Variants in CAPN3 observed in about 807,000 individuals in gnomAD.
The protein encoded by CAPN3 is calpain-3.
CAPN3 carries 88 observed loss-of-function variants against 114.0 expected under a neutral mutation model. The ratio of observed to expected loss-of-function variants is 0.77; its 90% CI spans 0.65 to 0.92. CAPN3 has a LOEUF of 0.92. CAPN3 is among the 40% of genes least tolerant of loss of function. CAPN3 has a pLI of 0.00. For missense variants in CAPN3, 1,028 were observed against 1,069.0 expected (o/e 0.96, Z 0.53); for synonymous variants, 386 against 382.9 (o/e 1.01, Z -0.09).
chr15:42,384,598 G>C (rs1338079197), intron 2 of CAPN3, 46 bp downstream of exon 2: 2 of 1,380,102 alleles, frequency 1.4e-6, no homozygotes, highest in Admixed American at 1.7e-5. Context: ...ATCAAGGGGT[G>C]ATTACAAGGT....
chr15:42,363,714 C>T (rs1011214247), intron 1 of CAPN3, among the ~76,000 whole-genome samples: 6 of 152,218 alleles, frequency 3.9e-5, no homozygotes, highest in African/African-American at 7.2e-5. Flanking sequence ...TGAGTGAGAA[C>T]TCACCACATG....
intron 6 of CAPN3, 104 bp downstream of exon 6, chr15:42,390,200 C>A: frequency 7.7e-7 from 1 of 1,291,230 alleles, no homozygotes; most frequent in Non-Finnish European, 1.1e-6. Context: ...TACCCACACA[C>A]CCCCACCTGG....
chr15:42,367,120 C>T (rs1043894955), intron 1 of CAPN3, among the ~76,000 whole-genome samples: 2 of 152,230 alleles, frequency 1.3e-5, no homozygotes, highest in African/African-American at 2.4e-5. Context: ...GCATGAGGCT[C>T]TGCACCCGGC....
At chr15:42,390,230 T>C in intron 6 of CAPN3, 134 bp downstream of exon 6, 1 of 961,988 alleles carries the variant, frequency 1.0e-6, no homozygotes, top group South Asian at 1.4e-5. Context: ...AGGGTCTGGG[T>C]TGAAATAACT....
chr15:42,410,298 G>A (rs2054170199), intron 19 of CAPN3, 130 bp from the exon 20 acceptor site: 1 of 881,304 alleles, frequency 1.1e-6, no homozygotes, highest in East Asian at 2.4e-5. Context: ...CTGACTGGTG[G>A]TGGAGTGGAG....
chr15:42,391,533 C>T (rs963376610), intron 6 of CAPN3, among the ~76,000 whole-genome samples: 9 of 152,182 alleles, frequency 5.9e-5, no homozygotes, highest in Non-Finnish European at 1.5e-5. Context: ...CCTGGCTCCA[C>T]CCATACCCCT....
At position 42,409,808 on chromosome 15, in the gene CAPN3, G is replaced by A. The variant is rs2054148805; in HGVS notation, c.2014G>A (p.Glu672Lys). The A allele has an allele frequency of 6.4e-7, 1 of 1,556,584 alleles. No homozygotes were observed. Among genetic ancestry groups the A allele is most frequent in the Non-Finnish European group, 8.7e-7 (1 of 1,146,554 alleles). ...TCAGGACATGGAGATCTGTGCAGATGAGCTCAAGAAGGTCCTTAACACAGT... is the reference window on the plus strand; with the variant it reads ...TCAGGACATGGAGATCTGTGCAGATAAGCTCAAGAAGGTCCTTAACACAGT... ...AGDDMEICAD[E>K]LKKVLNTVVN... The change falls in exon 18 of 24, where the codon GAG becomes AAG. Residue 672 changes from glutamate to lysine, a missense_variant. Transcript: ENST00000397163.
intron 1 of CAPN3, among the ~76,000 whole-genome samples, chr15:42,366,840 C>T (rs28557139): frequency 0.23 from 27,726 of 122,918 alleles, 3,868 homozygotes; most frequent in African/African-American, 0.46. Context: ...TTTTTTTTTT[C>T]TTTTTTTTTT....
chr15:42,362,095 C>T (rs890549748), intron 1 of CAPN3, among the ~76,000 whole-genome samples: 2 of 152,170 alleles, frequency 1.3e-5, no homozygotes, highest in African/African-American at 2.4e-5. Context: ...GATAGGCCTG[C>T]GTTCCCAGGC....
chr15:42,390,823 C>T (rs2053535963), intron 6 of CAPN3, among the ~76,000 whole-genome samples: 1 of 132,464 alleles, frequency 7.5e-6, no homozygotes. Flanking sequence ...CCAAGTCTTG[C>T]TCTATTCCCT....
At chr15:42,381,843 G>A (rs1381939906) in intron 1 of CAPN3, among the ~76,000 whole-genome samples, 1 of 152,058 alleles carries the variant, frequency 6.6e-6, no homozygotes, top group African/African-American at 2.4e-5. Flanking sequence ...CGGCCATCAT[G>A]TAATTTTAAA....
intron 1 of CAPN3, among the ~76,000 whole-genome samples, chr15:42,366,279 CTCTT>C (rs1172812337): frequency 2.6e-5 from 4 of 152,218 alleles, no homozygotes; most frequent in East Asian, 1.9e-4. Context: ...TTTTCCCAGG[CTCTT>C]TCTTTCTTCC....
chr15:42,376,017 A>T (rs1352295206), intron 1 of CAPN3, among the ~76,000 whole-genome samples: 2 of 152,180 alleles, frequency 1.3e-5, no homozygotes, highest in African/African-American at 2.4e-5. Context: ...TCTGTAACAT[A>T]ATGACCCTCA....
At chr15:42,394,397 G>A in intron 8 of CAPN3, 56 bp downstream of exon 8, 2 of 1,359,956 alleles carry the variant, frequency 1.5e-6, no homozygotes, top group Admixed American at 3.9e-5. Context: ...TCCGGGACAA[G>A]GCTGTGTTGG....
chr15:42,397,705 T>C (rs554234105), intron 9 of CAPN3, among the ~76,000 whole-genome samples: 13 of 152,214 alleles, frequency 8.5e-5, no homozygotes, highest in African/African-American at 2.9e-4. Context: ...TGTGTTTTTA[T>C]TACTTTATTT....
Position 42,402,859 on chromosome 15 carries a change from C to T in CAPN3, c.1602C>T (p.Ser534=), listed in dbSNP as rs2141202971. The T allele has an allele frequency of 2.5e-6, 4 of 1,614,206 alleles. No homozygotes were observed. Among genetic ancestry groups the T allele is most frequent in the Non-Finnish European group, 2.5e-6 (3 of 1,180,020 alleles). Residue 534 remains serine, a synonymous_variant, in exon 13 of 24, where the codon AGC becomes AGT. Transcript: ENST00000397163. ...FFLYNASKAR[S]KTYINMREVS... ...TGTACAACGCCTCCAAGGCCAGGAG[C>T]AAAACCTACATCAACATGCGGGAGG...
chr15:42,411,369 C>A, intron 23 of CAPN3, 24 bp downstream of exon 23: 1 of 1,608,254 alleles, frequency 6.2e-7, no homozygotes, highest in South Asian at 1.1e-5. Flanking sequence ...ACAGCACATT[C>A]CCCCTACACA....
intron 13 of CAPN3, 33 bp from the exon 14 acceptor site, chr15:42,403,708 C>T: frequency 6.2e-7 from 1 of 1,608,098 alleles, no homozygotes. Flanking sequence ...CTTCTGGTGA[C>T]ACTGAGACCC....
intron 19 of CAPN3, 51 bp from the exon 20 acceptor site, chr15:42,410,377 A>G (rs2054174391): frequency 6.4e-7 from 1 of 1,572,420 alleles, no homozygotes; most frequent in South Asian, 1.1e-5. Context: ...CTCCCTCCAA[A>G]TCCAGGGGGA....
Sources: gnomAD v4.1 joint callset for allele counts (sites outside exome capture counted in the v4.1 genomes callset) on GRCh38, gnomAD v4.1.1 for gene constraint, MANE v1.5 for transcripts, NCBI Gene and HGNC (gene_info 2026-07-23, HGNC 2026-07-21) for gene names.